TRIM23: variants seen among roughly 807,000 people sequenced by gnomAD.
TRIM23 encodes E3 ubiquitin-protein ligase TRIM23.
In TRIM23, 27 loss-of-function variants were observed where a neutral mutation model predicts 71.0. The observed-to-expected ratio is 0.38, with a 90% CI of 0.28 to 0.52. TRIM23 has a LOEUF of 0.52. Among genes scored for constraint, TRIM23 ranks in the 20% least tolerant of loss-of-function variants. TRIM23 has a pLI of 0.84. For synonymous variants in TRIM23, 234 were observed against 238.0 expected (o/e 0.98, Z 0.16); for missense variants, 482 against 692.3 (o/e 0.70, Z 3.41).
At chr5:65,619,716 A>T (rs1754874454) in intron 1 of TRIM23, among the ~76,000 whole-genome samples, 1 of 152,226 alleles carries the variant, frequency 6.6e-6, no homozygotes, top group African/African-American at 2.4e-5. Flanking sequence ...TAAGAAACAT[A>T]ACATTGTTCA....
intron 10 of TRIM23, among the ~76,000 whole-genome samples, chr5:65,593,849 G>A (rs1403490851): frequency 6.6e-6 from 1 of 152,128 alleles, no homozygotes; most frequent in Non-Finnish European, 1.5e-5. Flanking sequence ...GCAATTTACT[G>A]CATCTCCCTG....
At chr5:65,608,907 C>T (rs912596904) in intron 6 of TRIM23, among the ~76,000 whole-genome samples, 2 of 150,934 alleles carry the variant, frequency 1.3e-5, no homozygotes, top group Admixed American at 1.3e-4. Flanking sequence ...AGGAAGATTT[C>T]CACTATTAGA....
At chr5:65,620,527 CAAAAAG>C (rs917698920) in intron 1 of TRIM23, among the ~76,000 whole-genome samples, 20 of 151,584 alleles carry the variant, frequency 1.3e-4, no homozygotes, top group African/African-American at 4.8e-4. Flanking sequence ...ATGATTAAAA[CAAAAAG>C]AAAAATAATA....
intron 1 of TRIM23, among the ~76,000 whole-genome samples, chr5:65,618,561 C>T (rs1369240364): frequency 1.3e-5 from 2 of 152,130 alleles, no homozygotes; most frequent in Non-Finnish European, 2.9e-5. Context: ...TGAATCTGTA[C>T]AAACAATATG....
intron 8 of TRIM23, 54 bp downstream of exon 8, chr5:65,596,997 T>C (rs1754226533): frequency 1.3e-6 from 2 of 1,597,070 alleles, no homozygotes; most frequent in African/African-American, 1.3e-5. Context: ...CCCCAAGAAC[T>C]TGGCTGTAAG....
Position 65,609,266 on chromosome 5 carries a change from G to T in TRIM23, c.1021C>A (p.His341Asn). The T allele has an allele frequency of 4.3e-6, 7 of 1,614,138 alleles. No homozygotes were observed. Among genetic ancestry groups the T allele is most frequent in the Non-Finnish European group, 5.9e-6 (7 of 1,180,024 alleles). Reference protein sequence around the residue: ...LLSEVSAACLHCEKTLQQDDC... With the variant: ...LLSEVSAACLNCEKTLQQDDC... ...ACCTGCTGCAAAGTCTTTTCACAGT[G>T]GAGGCAGGCTGCAGAAACCTCTGAC... The change falls in exon 6 of 11, where the codon CAC becomes AAC. Residue 341 changes from histidine (H) to asparagine (N), a missense_variant. By Grantham distance (68) the His-to-Asn change is moderately conservative. Transcript: ENST00000231524.
chr5:65,601,629 A>C (rs1404550957), intron 7 of TRIM23, among the ~76,000 whole-genome samples: 1 of 152,168 alleles, frequency 6.6e-6, no homozygotes, highest in African/African-American at 2.4e-5. Context: ...GTGGGGGCAC[A>C]CCCAAAATCT....
chr5:65,615,130 G>A (rs1290595188), intron 2 of TRIM23, among the ~76,000 whole-genome samples: 1 of 151,960 alleles, frequency 6.6e-6, no homozygotes, highest in Non-Finnish European at 1.5e-5. Flanking sequence ...CAAAACTCCT[G>A]GCCTAAAGTG....
At position 65,611,059 on chromosome 5, in the gene TRIM23, T is replaced by C. The variant is rs541051888; in HGVS notation, c.646-16A>G. On this transcript the variant is annotated splice_polypyrimidine_tract_variant and intron_variant, in intron 4 of 10. Transcript: ENST00000231524. ...ATACTGAATGCTATAAAATGTACCA[T>C]AATTAGAGAAAAGAACTCATAGTAT... 2 of 1,589,558 alleles carry C rather than the reference T, an allele frequency of 1.3e-6. No individual in the cohort carries two copies. The highest frequency in any genetic ancestry group is 2.3e-5 in the South Asian group (2 of 85,760).
chr5:65,614,068 A>G (rs748422759), intron 3 of TRIM23, 30 bp downstream of exon 3: 9 of 1,600,352 alleles, frequency 5.6e-6, no homozygotes, highest in Non-Finnish European at 7.7e-6. Flanking sequence ...TCATGCTCGT[A>G]ACAAATATTT....
At chr5:65,613,726 C>A (rs1754710919) in intron 3 of TRIM23, 1 of 1,189,134 alleles carries the variant, frequency 8.4e-7, no homozygotes, top group Non-Finnish European at 1.1e-6. Context: ...TGGCCTCTTA[C>A]ATCGAGTTTT....
intron 7 of TRIM23, among the ~76,000 whole-genome samples, chr5:65,601,142 T>A (rs768106139): frequency 6.6e-6 from 1 of 152,206 alleles, no homozygotes; most frequent in Non-Finnish European, 1.5e-5. Flanking sequence ...CTTCTGGGTA[T>A]ATATCCAAAA....
rs369536994 is a variant in TRIM23, at chr5:65,590,250, C to T, written c.*1519G>A. On this transcript the variant is annotated 3_prime_UTR_variant, in exon 11 of 11. Transcript: ENST00000231524. Reference sequence around the variant, plus strand: ...CAGTCAAATATTAAATAATTTAATTCGGAAGTATTATTTATGCACACAAAC... The same window carrying T: ...CAGTCAAATATTAAATAATTTAATTTGGAAGTATTATTTATGCACACAAAC... 1.9e-4 allele frequency: 198 copies of T among 1,048,140 alleles called. No individual in the cohort carries two copies. The African/African-American group carries it at 2.6e-3, about 14-fold the overall frequency. The allele number at this position is 1,048,140 out of a possible 1,614,324, so 64.9% of individuals were successfully genotyped here. A position where few individuals can be genotyped will look rare whatever the true frequency, so the allele number is the denominator to read the frequency against.
intron 1 of TRIM23, among the ~76,000 whole-genome samples, chr5:65,621,765 C>T (rs1248018902): frequency 1.3e-5 from 2 of 151,866 alleles, no homozygotes; most frequent in Admixed American, 6.6e-5. Flanking sequence ...AAGCTTCAAA[C>T]TTATTACTTG....
intron 1 of TRIM23, among the ~76,000 whole-genome samples, chr5:65,620,500 A>G (rs559520592): frequency 2.0e-5 from 3 of 152,354 alleles, no homozygotes; most frequent in African/African-American, 7.2e-5. Flanking sequence ...TTTCATATAT[A>G]CACAGAATGA....
chr5:65,623,723 G>C (rs1351752938), intron 1 of TRIM23, among the ~76,000 whole-genome samples: 2 of 152,078 alleles, frequency 1.3e-5, no homozygotes, highest in East Asian at 3.9e-4. Flanking sequence ...CTTTAAAGCC[G>C]GTCAACCCGG....
rs1477225032 is a variant in TRIM23 at position 65,591,378 on chromosome 5, T to C, written c.*391A>G. 3 of 1,539,266 alleles carry C rather than the reference T, an allele frequency of 1.9e-6. No individual in the cohort carries two copies. The East Asian group carries it at 7.5e-5, about 38-fold the overall frequency. On this transcript the variant is annotated 3_prime_UTR_variant, in exon 11 of 11. Coordinates refer to ENST00000231524, the MANE Select transcript of TRIM23 (RefSeq NM_001656.4). The stretch of plus-strand genomic sequence containing the variant: ...AAGAAGCAGCTATACTTCACTTGCT[T>C]CACACAGAGGTCTCATTAGGCACTC...
intron 1 of TRIM23, among the ~76,000 whole-genome samples, chr5:65,622,645 G>T (rs1008447638): frequency 1.3e-5 from 2 of 152,158 alleles, no homozygotes; most frequent in Non-Finnish European, 2.9e-5. Context: ...ATGACAGTGA[G>T]ATTTTTTTAG....
At chr5:65,612,880 T>G (rs1215655055) in intron 3 of TRIM23, among the ~76,000 whole-genome samples, 2 of 152,100 alleles carry the variant, frequency 1.3e-5, no homozygotes, top group Non-Finnish European at 2.9e-5. Flanking sequence ...TTATTTCTAG[T>G]TTTCAGGAAT....
Sources: allele counts gnomAD v4.1 joint callset (sites outside exome capture counted in the v4.1 genomes callset), GRCh38; gene constraint gnomAD v4.1.1; transcripts MANE v1.5; gene names NCBI Gene and HGNC (gene_info 2026-07-23, HGNC 2026-07-21).